Variants in MYCN observed in about 807,000 individuals in gnomAD.
MYCN encodes N-myc proto-oncogene protein.
MYCN carries 3 observed loss-of-function variants against 28.1 expected under a neutral mutation model. That is an observed-to-expected ratio of 0.11 (90% CI 0.05 to 0.28). MYCN has a LOEUF of 0.28. MYCN is among the 10% of genes least tolerant of loss of function. The pLI, the probability that MYCN is intolerant of heterozygous loss-of-function variation, is 1.00. For missense variants in MYCN, 572 were observed against 651.4 expected, an observed-to-expected ratio of 0.88 and a Z score of 1.33; for synonymous variants, 326 against 288.3, an observed-to-expected ratio of 1.13 and a Z score of -1.32.
chr2:15,941,971 C>A lies in MYCN; in HGVS notation c.-94C>A. On this transcript the variant is annotated 5_prime_UTR_variant, in exon 2 of 3. Coordinates refer to ENST00000281043, the MANE Select transcript of MYCN (RefSeq NM_005378.6). The surrounding 1 kb of genome is among the most constrained non-coding windows in gnomAD (Gnocchi z 4.8). ...AGTGTTGGAGGTCGGCGCCGGCCCC[C>A]GCCTTCCGCGCCCCCCACGGGAAGG... 1 of 1,517,814 alleles carries A rather than the reference C, an allele frequency of 6.6e-7. No individual in the cohort carries two copies. 94.0% of individuals were successfully genotyped at this position (1,517,814 alleles called of 1,614,324 possible).
In MYCN at chr2:15,942,466, G is replaced by A. The variant is rs760707911; in HGVS notation, c.402G>A (p.Leu134=). 11 of 1,583,530 alleles carry A rather than the reference G, an allele frequency of 6.9e-6. No homozygotes were observed. In the East Asian group the frequency reaches 2.5e-4, roughly 36 times the overall value. The change falls in exon 2 of 3, where the codon CTG becomes CTA. Residue 134 remains leucine, a synonymous_variant. Coordinates refer to ENST00000281043, the MANE Select transcript of MYCN (RefSeq NM_005378.6). The surrounding 1 kb of genome is among the most constrained non-coding windows in gnomAD (Gnocchi z 7.0). ...TGGAGCGCGCCGTGAGCGAGAAGCT[G>A]CAGCACGGCCGCGGGCCGCCAACCG... ...EKLERAVSEK[L]QHGRGPPTAG... is the part of the protein sequence containing the mutation.
At chr2:15,944,635 G>A (rs1211490262) in intron 2 of MYCN, among the ~76,000 whole-genome samples, 1 of 152,210 alleles carries the variant, frequency 6.6e-6, no homozygotes, top group Admixed American at 6.5e-5. Flanking sequence ...TAAGTGTGGA[G>A]CTAGAAATGT....
At chr2:15,943,327 G>A (rs765537247) in intron 2 of MYCN, among the ~76,000 whole-genome samples, 4 of 152,106 alleles carry the variant, frequency 2.6e-5, no homozygotes, top group African/African-American at 9.7e-5. Context: ...GCTGTGCAAA[G>A]CCCTGTTTAA....
Position 15,946,459 on chromosome 2 carries a change from T to A in MYCN, c.*362T>A, listed in dbSNP as rs1662877003. 1 of 417,740 alleles carries A rather than the reference T, an allele frequency of 2.4e-6. No individual in the cohort carries two copies. Among genetic ancestry groups the A allele is most frequent in the Non-Finnish European group, 4.5e-6 (1 of 224,164 alleles). The allele number at this position is 417,740 out of a possible 1,614,324, so 25.9% of individuals were successfully genotyped here. Reference sequence around the variant, plus strand: ...TGCTTAAGTTCCAGCAGATGCCACATAAGGGGTTTGCCATTTGATACCCCT... The same window carrying A: ...TGCTTAAGTTCCAGCAGATGCCACAAAAGGGGTTTGCCATTTGATACCCCT... On this transcript the variant is annotated 3_prime_UTR_variant, in exon 3 of 3. Transcript: ENST00000281043.
chr2:15,942,192 C>T lies in MYCN; in HGVS notation c.128C>T (p.Thr43Ile). ...DDFYFGGPDS[T>I]PPGEDIWKKF... ...TTCTACTTCGGCGGCCCCGACTCGA[C>T]CCCCCCGGGGGAGGACATCTGGAAG... The change falls in exon 2 of 3, where the codon ACC becomes ATC. Residue 43 changes from threonine to isoleucine, a missense_variant. Around this residue, in one of 3 missense-constraint regions of MYCN, gnomAD observed 499 missense variants for 524.3 expected, o/e 0.95. Coordinates refer to ENST00000281043, the MANE Select transcript of MYCN (RefSeq NM_005378.6). The surrounding 1 kb of genome is among the most constrained non-coding windows in gnomAD (Gnocchi z 7.0). 1 of 1,613,534 alleles carries T rather than the reference C, an allele frequency of 6.2e-7. No homozygotes were observed. The highest frequency in any genetic ancestry group is 8.5e-7 in the Non-Finnish European group (1 of 1,179,934).
chr2:15,945,602 T>G lies in MYCN; in HGVS notation c.900T>G (p.Thr300=). Residue 300 remains threonine (T), a synonymous_variant, in exon 3 of 3, where the codon ACT becomes ACG. Transcript: ENST00000281043. This position sits in a 1 kb window ranked among gnomAD's most constrained non-coding sequence, Gnocchi z 4.8. ...NTKAVTTFTI[T]VRPKNAALGP... ...AGGCTGTCACCACATTCACCATCAC[T>G]GTGCGTCCCAAGAACGCAGCCCTGG... 6.2e-7 allele frequency: 1 copy of G among 1,614,144 alleles called. No individual in the cohort carries two copies. Among genetic ancestry groups the G allele is most frequent in the Non-Finnish European group, 8.5e-7 (1 of 1,180,024 alleles).
In MYCN at chr2:15,945,742, A is replaced by C. The variant is rs1558536206; in HGVS notation, c.1040A>C (p.Gln347Pro). The C allele has an allele frequency of 2.5e-6, 4 of 1,614,010 alleles. No homozygotes were observed. The highest frequency in any genetic ancestry group is 3.4e-6 in the Non-Finnish European group (4 of 1,180,020). ...PYVESEDAPP[Q>P]KKIKSEASPR... ...GTGGAGAGTGAGGATGCACCCCCAC[A>C]GAAGAAGATAAAGAGCGAGGCGTCC... Residue 347 changes from glutamine to proline, a missense_variant, in exon 3 of 3, where the codon CAG becomes CCG. Physicochemically the swap from Gln to Pro is moderately conservative, Grantham distance 76. Transcript: ENST00000281043. This position sits in a 1 kb window ranked among gnomAD's most constrained non-coding sequence, Gnocchi z 4.8.
At position 15,945,936 on chromosome 2, in the gene MYCN, G is replaced by T. The variant is rs772930728; in HGVS notation, c.1234G>T (p.Val412Leu). The T allele has an allele frequency of 3.1e-6, 5 of 1,614,144 alleles. No individual in the cohort carries two copies. The South Asian group carries it at 5.5e-5, about 18-fold the overall frequency. ...LTLRDHVPEL[V>L]KNEKAAKVVI... ...GCTCAGGGACCACGTGCCGGAGTTG[G>T]TAAAGAATGAGAAGGCCGCCAAGGT... The change falls in exon 3 of 3, where the codon GTA becomes TTA. Residue 412 changes from valine to leucine, a missense_variant. Physicochemically the swap from Val to Leu is conservative, Grantham distance 32. Transcript: ENST00000281043. The surrounding 1 kb of genome is among the most constrained non-coding windows in gnomAD (Gnocchi z 4.8).
rs1379415785 is a variant in MYCN at position 15,946,128 on chromosome 2, CT to C, written c.*34del. 1.9e-6 allele frequency: 3 copies of C among 1,613,828 alleles called. No individual in the cohort carries two copies. The highest frequency in any genetic ancestry group is 2.5e-6 in the Non-Finnish European group (3 of 1,179,984). ...TCTCAAAACTGGACAGTCACTGCCA[CT>C]TTGCACATTTTGATTTTTTTTTTAA... On this transcript the variant is annotated 3_prime_UTR_variant, in exon 3 of 3. Transcript: ENST00000281043.
chr2:15,942,917 T>C lies in MYCN; in HGVS notation c.790+63T>C. On this transcript the variant is annotated intron_variant, in intron 2 of 2. Coordinates refer to ENST00000281043, the MANE Select transcript of MYCN (RefSeq NM_005378.6). The surrounding 1 kb of genome is among the most constrained non-coding windows in gnomAD (Gnocchi z 7.0). ...CACTGGACCCCGGGTCGCGTCCCCT[T>C]TGTTAGTGCTCGTATGTCTTGGCCT... 6.6e-7 allele frequency: 1 copy of C among 1,515,554 alleles called. No homozygotes were observed. The highest frequency in any genetic ancestry group is 1.2e-5 in the South Asian group (1 of 83,492). 93.9% of individuals were successfully genotyped at this position (1,515,554 alleles called of 1,614,324 possible). A position where few individuals can be genotyped will look rare whatever the true frequency, so the allele number is the denominator to read the frequency against.
chr2:15,945,142 G>C lies in MYCN; in HGVS notation c.791-351G>C, dbSNP rs1036303216. 1.3e-5 allele frequency among the ~76,000 whole-genome samples: 2 copies of C among 151,822 alleles called. No individual in the cohort carries two copies. The highest frequency in any genetic ancestry group is 2.9e-5 in the Non-Finnish European group (2 of 67,978). On this transcript the variant is annotated intron_variant, in intron 2 of 2. Coordinates refer to ENST00000281043, the MANE Select transcript of MYCN (RefSeq NM_005378.6). This position sits in a 1 kb window ranked among gnomAD's most constrained non-coding sequence, Gnocchi z 4.8. ...AGCCTCCCGAGTAGCTGGGATTACC[G>C]GAGCATGCCACCACACCCAGCAAAG...
chr2:15,942,495 G>C lies in MYCN; in HGVS notation c.431G>C (p.Gly144Ala). 1 of 1,551,382 alleles carries C rather than the reference G, an allele frequency of 6.4e-7. No individual in the cohort carries two copies. The change falls in exon 2 of 3, where the codon GGT (glycine) becomes GCT (alanine). Residue 144 changes from glycine (G) to alanine (A), a missense_variant. By Grantham distance (60) the Gly-to-Ala change is moderately conservative. Transcript: ENST00000281043. This position sits in a 1 kb window ranked among gnomAD's most constrained non-coding sequence, Gnocchi z 7.0. ...CACGGCCGCGGGCCGCCAACCGCCGGTTCCACCGCCCAGTCCCCGGGAGCC... is the reference window on the plus strand; with the variant it reads ...CACGGCCGCGGGCCGCCAACCGCCGCTTCCACCGCCCAGTCCCCGGGAGCC... ...LQHGRGPPTA[G>A]STAQSPGAGA...
In MYCN at chr2:15,942,057, G is replaced by A. The variant is rs1178397151; in HGVS notation, c.-8G>A. ...GAAGCCCTCAGTCGCCGGCCGGGAG[G>A]CGAGCCGATGCCGAGCTGCTCCACG... On this transcript the variant is annotated 5_prime_UTR_variant, in exon 2 of 3. Transcript: ENST00000281043. The surrounding 1 kb of genome is among the most constrained non-coding windows in gnomAD (Gnocchi z 7.0). 6.2e-7 allele frequency: 1 copy of A among 1,613,374 alleles called. No homozygotes were observed. The highest frequency in any genetic ancestry group is 1.7e-5 in the Admixed American group (1 of 60,028).
At chr2:15,944,017 T>C (rs1662791959) in intron 2 of MYCN, among the ~76,000 whole-genome samples, 1 of 152,164 alleles carries the variant, frequency 6.6e-6, no homozygotes, top group South Asian at 2.1e-4. Context: ...TCTTTGAGGC[T>C]CCTGGAAGGA....
rs1216305420 is a variant in MYCN at position 15,940,672 on chromosome 2, ACCCCCGCCC to A, written c.-184_-176del. On this transcript the variant is annotated 5_prime_UTR_variant, in exon 1 of 3. Transcript: ENST00000281043. ...GCACAGACTGTAGCCATCCGAGGAC[ACCCCCGCCC>A]CCCCGGCCCACCCGGAGACACCCGC... The A allele has an allele frequency of 7.6e-6, 3 of 396,838 alleles. No homozygotes were observed. Among genetic ancestry groups the A allele is most frequent in the African/African-American group, 4.2e-5 (2 of 48,050 alleles). The allele number at this position is 396,838 out of a possible 1,614,324, so 24.6% of individuals were successfully genotyped here.
At position 15,945,518 on chromosome 2, in the gene MYCN, T is replaced by G. The variant is rs754536347; in HGVS notation, c.816T>G (p.Asp272Glu). Residue 272 changes from aspartate to glutamate, a missense_variant, in exon 3 of 3, where the codon GAT (aspartate) becomes GAG (glutamate). Asp to Glu is a conservative substitution (Grantham distance 45, BLOSUM62 2). This residue lies in a region of MYCN where 499 missense variants were observed against 524.3 expected (regional missense o/e 0.95). Coordinates refer to ENST00000281043, the MANE Select transcript of MYCN (RefSeq NM_005378.6). This position sits in a 1 kb window ranked among gnomAD's most constrained non-coding sequence, Gnocchi z 4.8. ...ATGATGAAGATGATGAAGAGGAAGATGAAGAGGAAGAAATCGACGTGGTCA... is the reference window on the plus strand; with the variant it reads ...ATGATGAAGATGATGAAGAGGAAGAGGAAGAGGAAGAAATCGACGTGGTCA... ...DSDDEDDEEEDEEEEIDVVTV... is the reference protein window; with the variant it reads ...DSDDEDDEEEEEEEEIDVVTV... 17 of 1,612,552 alleles carry G rather than the reference T, an allele frequency of 1.1e-5. No homozygotes were observed. Among genetic ancestry groups the G allele is most frequent in the African/African-American group, 4.0e-5 (3 of 74,910 alleles).
chr2:15,941,677 A>G lies in MYCN; in HGVS notation c.-117-271A>G, dbSNP rs1023628708. 3 of 358,400 alleles carry G rather than the reference A, an allele frequency of 8.4e-6. No homozygotes were observed. Among genetic ancestry groups the G allele is most frequent in the Non-Finnish European group, 1.6e-5 (3 of 191,694 alleles). The allele number at this position is 358,400 out of a possible 1,614,324, so 22.2% of individuals were successfully genotyped here. On this transcript the variant is annotated intron_variant, in intron 1 of 2. Coordinates refer to ENST00000281043, the MANE Select transcript of MYCN (RefSeq NM_005378.6). The surrounding 1 kb of genome is among the most constrained non-coding windows in gnomAD (Gnocchi z 4.8). ...CCTCCCCCAGGCAGTGCCTTGTGTG[A>G]ATGAAATGGCAGTTTCCAAAGTTGC... is the stretch of plus-strand genomic sequence containing the variant.
In MYCN at chr2:15,942,515, G is replaced by C. The variant is rs1011138934; in HGVS notation, c.451G>C (p.Gly151Arg). 2.1e-6 allele frequency: 3 copies of C among 1,446,932 alleles called. No homozygotes were observed. The highest frequency in any genetic ancestry group is 2.7e-6 in the Non-Finnish European group (3 of 1,105,038). The allele number at this position is 1,446,932 out of a possible 1,614,324, so 89.6% of individuals were successfully genotyped here. A position where few individuals can be genotyped will look rare whatever the true frequency, so the allele number is the denominator to read the frequency against. The change falls in exon 2 of 3, where the codon GGA (glycine) becomes CGA (arginine). Residue 151 changes from glycine to arginine, a missense_variant. Transcript: ENST00000281043. The surrounding 1 kb of genome is among the most constrained non-coding windows in gnomAD (Gnocchi z 7.0). Reference protein sequence around the residue: ...PTAGSTAQSPGAGAASPAGRG... With the variant: ...PTAGSTAQSPRAGAASPAGRG... Reference sequence around the variant, plus strand: ...CGCCGGTTCCACCGCCCAGTCCCCGGGAGCCGGCGCCGCCAGCCCTGCGGG... The same window carrying C: ...CGCCGGTTCCACCGCCCAGTCCCCGCGAGCCGGCGCCGCCAGCCCTGCGGG...
In MYCN at chr2:15,942,514, G is replaced by A; in HGVS notation, c.450G>A (p.Pro150=). 6.9e-7 allele frequency: 1 copy of A among 1,447,228 alleles called. No individual in the cohort carries two copies. The highest frequency in any genetic ancestry group is 1.5e-5 in the African/African-American group (1 of 67,942). The allele number at this position is 1,447,228 out of a possible 1,614,324, so 89.6% of individuals were successfully genotyped here. ...CCGCCGGTTCCACCGCCCAGTCCCCGGGAGCCGGCGCCGCCAGCCCTGCGG... is the reference window on the plus strand; with the variant it reads ...CCGCCGGTTCCACCGCCCAGTCCCCAGGAGCCGGCGCCGCCAGCCCTGCGG... ...PPTAGSTAQS[P]GAGAASPAGR... Residue 150 remains proline, a synonymous_variant, in exon 2 of 3, where the codon CCG becomes CCA. Coordinates refer to ENST00000281043, the MANE Select transcript of MYCN (RefSeq NM_005378.6). This position sits in a 1 kb window ranked among gnomAD's most constrained non-coding sequence, Gnocchi z 7.0.
Sources: gnomAD v4.1 joint callset for allele counts (sites outside exome capture counted in the v4.1 genomes callset) on GRCh38, gnomAD v4.1.1 for gene constraint, gnomAD v4.1.1 regional missense constraint, Gnocchi (gnomAD v3.1) non-coding constraint, MANE v1.5 for transcripts, NCBI Gene and HGNC (gene_info 2026-07-23, HGNC 2026-07-21) for gene names.